TBC1D22A: variants seen among roughly 807,000 people sequenced by gnomAD.
TBC1D22A encodes the protein TBC1 domain family member 22A, also known as putative GTPase activator.
Under a neutral mutation model 60.2 loss-of-function variants are expected in TBC1D22A, and 38 were observed. The ratio of observed to expected loss-of-function variants is 0.63; its 90% confidence interval spans 0.49 to 0.83. The LOEUF is 0.83. TBC1D22A is among the 40% of genes least tolerant of loss of function. The pLI is 0.00. For missense variants in TBC1D22A, 628 were observed against 701.0 expected, an observed-to-expected ratio of 0.90 and a Z score of 1.18; for synonymous variants, 302 against 281.7, an observed-to-expected ratio of 1.07 and a Z score of -0.72.
intron 4 of TBC1D22A, among the ~76,000 whole-genome samples, chr22:46,801,536 C>G (rs2084896331): frequency 6.6e-6 from 1 of 152,262 alleles, no homozygotes; most frequent in African/African-American, 2.4e-5. Flanking sequence ...TATTTACTCA[C>G]ACAAAGACTG....
chr22:47,082,617 A>C (rs2064516120), intron 11 of TBC1D22A, among the ~76,000 whole-genome samples: 1 of 152,218 alleles, frequency 6.6e-6, no homozygotes, highest in African/African-American at 2.4e-5. Context: ...GCCAACAAAC[A>C]CTTGAAAAAG....
At chr22:47,140,567 AAAG>A (rs1163107192) in intron 12 of TBC1D22A, among the ~76,000 whole-genome samples, 49 of 145,190 alleles carry the variant, frequency 3.4e-4, no homozygotes, top group African/African-American at 1.3e-3. Flanking sequence ...AAAAAAAAAA[AAAG>A]AAAGAAAGAA....
chr22:47,022,896 A>T (rs988060409), intron 10 of TBC1D22A, among the ~76,000 whole-genome samples: 4 of 152,244 alleles, frequency 2.6e-5, no homozygotes, highest in African/African-American at 9.6e-5. Flanking sequence ...ACTTAATTGC[A>T]TCCCAGCAAA....
At chr22:46,985,094 C>G (rs73482698) in intron 9 of TBC1D22A, among the ~76,000 whole-genome samples, 6,028 of 152,222 alleles carry the variant, frequency 0.04, 374 homozygotes, top group African/African-American at 0.14. Flanking sequence ...GACTAAGCCC[C>G]GGGGATGTTG....
intron 10 of TBC1D22A, among the ~76,000 whole-genome samples, chr22:47,000,464 TAGTAA>T (rs1490786188): frequency 2.0e-5 from 3 of 152,212 alleles, no homozygotes. Flanking sequence ...CCTAAACCTT[TAGTAA>T]AAGTCTGCCG....
At chr22:46,924,581 C>T (rs2070939484) in intron 8 of TBC1D22A, among the ~76,000 whole-genome samples, 1 of 152,108 alleles carries the variant, frequency 6.6e-6, no homozygotes, top group African/African-American at 2.4e-5. Context: ...CCCTTCTCTA[C>T]TAAAAATACA....
chr22:47,088,883 G>T (rs759800170), intron 11 of TBC1D22A, among the ~76,000 whole-genome samples: 8 of 152,168 alleles, frequency 5.3e-5, no homozygotes, highest in Non-Finnish European at 1.0e-4. Context: ...ACAGCGAAGC[G>T]TTCTCGCACA....
At chr22:46,988,079 G>T (rs199516098) in intron 9 of TBC1D22A, among the ~76,000 whole-genome samples, 1 of 145,502 alleles carries the variant, frequency 6.9e-6, no homozygotes, top group Non-Finnish European at 1.5e-5. Flanking sequence ...GAAAAGAAAA[G>T]AAAAAAAAAA....
At chr22:46,918,600 A>G (rs2147824922) in intron 8 of TBC1D22A, among the ~76,000 whole-genome samples, 1 of 152,344 alleles carries the variant, frequency 6.6e-6, no homozygotes, top group African/African-American at 2.4e-5. Flanking sequence ...CAACTTCAGG[A>G]AGGAGGGAGT....
chr22:46,783,804 T>G (rs1474137501), intron 1 of TBC1D22A, among the ~76,000 whole-genome samples: 2 of 152,222 alleles, frequency 1.3e-5, no homozygotes, highest in Middle Eastern at 3.2e-3. Flanking sequence ...TTATGCATTA[T>G]TCAGTCAATG....
At chr22:46,999,768 G>A (rs1222206696) in intron 10 of TBC1D22A, among the ~76,000 whole-genome samples, 1 of 152,252 alleles carries the variant, frequency 6.6e-6, no homozygotes, top group African/African-American at 2.4e-5. Context: ...GCTCACGCCT[G>A]TAATCCCAGC....
chr22:46,908,387 G>A lies in TBC1D22A; in HGVS notation c.901-3687G>A, dbSNP rs1351249563. Among the ~76,000 whole-genome samples the A allele has an allele frequency of 6.6e-5, 10 of 152,182 alleles. No homozygotes were observed. The East Asian group carries it at 1.9e-3, about 29-fold the overall frequency. Reference sequence around the variant, plus strand: ...CCTGTGCCTTTAGCGGCAGAGCCAGGCTTTGTGTGCAGTGTCACACGCCTC... The same window carrying A: ...CCTGTGCCTTTAGCGGCAGAGCCAGACTTTGTGTGCAGTGTCACACGCCTC... On this transcript the variant is annotated intron_variant, in intron 7 of 12. Transcript: ENST00000337137.
intron 7 of TBC1D22A, 107 bp from the exon 8 acceptor site, chr22:46,911,967 G>T: frequency 1.4e-6 from 1 of 707,622 alleles, no homozygotes; most frequent in East Asian, 2.7e-5. Context: ...CTTAATATTA[G>T]GAGCAATGAG....
At chr22:47,068,511 A>C (rs969289753) in intron 11 of TBC1D22A, among the ~76,000 whole-genome samples, 1 of 152,252 alleles carries the variant, frequency 6.6e-6, no homozygotes, top group East Asian at 1.9e-4. Context: ...TTTTCATATA[A>C]GTTCTTTCTG....
At chr22:46,968,238 G>A (rs975019092) in intron 8 of TBC1D22A, among the ~76,000 whole-genome samples, 4 of 152,340 alleles carry the variant, frequency 2.6e-5, no homozygotes, top group South Asian at 4.1e-4. Context: ...CATGCTGTGC[G>A]GGGTCCTGCT....
chr22:47,024,578 G>A (rs1194248604), intron 10 of TBC1D22A, among the ~76,000 whole-genome samples: 1 of 152,088 alleles, frequency 6.6e-6, no homozygotes, highest in African/African-American at 2.4e-5. Flanking sequence ...ATACTTTAGG[G>A]CATGGTTGCT....
chr22:46,822,063 T>C (rs2147101060), intron 4 of TBC1D22A, among the ~76,000 whole-genome samples: 1 of 152,122 alleles, frequency 6.6e-6, no homozygotes, highest in East Asian at 1.9e-4. Context: ...CACGAAGATC[T>C]CATGCTGTGT....
chr22:47,068,494 C>T (rs1022617219), intron 11 of TBC1D22A, among the ~76,000 whole-genome samples: 4 of 152,216 alleles, frequency 2.6e-5, no homozygotes, highest in Admixed American at 6.5e-5. Context: ...CACCACAGAG[C>T]ACCTGCTTTT....
intron 6 of TBC1D22A, 151 bp downstream of exon 6, chr22:46,891,545 A>C (rs1804098311): frequency 8.6e-6 from 7 of 812,490 alleles, no homozygotes; most frequent in Non-Finnish European, 1.2e-5. Context: ...TTTTCTAATA[A>C]ATAAATTTTA....
Sources: allele counts gnomAD v4.1 joint callset (sites outside exome capture counted in the v4.1 genomes callset), GRCh38; gene constraint gnomAD v4.1.1; transcripts MANE v1.5; gene names NCBI Gene and HGNC (gene_info 2026-07-23, HGNC 2026-07-21).